Variants in GPR21 observed in about 807,000 individuals in gnomAD.
The protein encoded by GPR21 is G protein-coupled receptor 21, also known as probable G protein-coupled receptor 21.
A neutral mutation model predicts 21.5 loss-of-function variants in GPR21; 9 were observed. The ratio of observed to expected loss-of-function variants is 0.42; its 90% CI spans 0.25 to 0.73. GPR21 has a LOEUF of 0.73. GPR21 is among the 30% of genes least tolerant of loss of function. GPR21 has a pLI of 0.27. For synonymous variants in GPR21, 169 were observed against 159.3 expected, an observed-to-expected ratio of 1.06 and a Z score of -0.46; for missense variants, 416 against 428.9, an observed-to-expected ratio of 0.97 and a Z score of 0.27.
chr9:123,034,727 A>G lies in GPR21; in HGVS notation c.161A>G (p.His54Arg). ...SGNIIVIFVF[H>R]CAPLLNHHTT... The stretch of plus-strand genomic sequence containing the variant: ...AACATCATTGTGATTTTTGTATTTC[A>G]CTGTGCACCTTTGTTGAACCATCAC... The change falls in exon 2 of 2, where the codon CAC (histidine) becomes CGC (arginine). Residue 54 changes from histidine (H) to arginine (R), a missense_variant. Coordinates refer to ENST00000616002, the MANE Select transcript of GPR21 (RefSeq NM_005294.3). 1 of 1,613,684 alleles carries G rather than the reference A, an allele frequency of 6.2e-7. No homozygotes were observed. The highest frequency in any genetic ancestry group is 8.5e-7 in the Non-Finnish European group (1 of 1,179,676).
the GPR21 span, among the ~76,000 whole-genome samples, chr9:123,044,025 C>T: frequency 1.3e-5 from 2 of 151,740 alleles, no homozygotes; most frequent in Admixed American, 6.5e-5. Context: ...CTCAGCCTCC[C>T]GAGTAGCTGG....
At chr9:123,044,023 C>G in the GPR21 span, among the ~76,000 whole-genome samples, 1 of 151,556 alleles carries the variant, frequency 6.6e-6, no homozygotes, top group East Asian at 1.9e-4. Flanking sequence ...GCCTCAGCCT[C>G]CCGAGTAGCT....
chr9:123,048,334 G>A, the GPR21 span, among the ~76,000 whole-genome samples: 1 of 152,112 alleles, frequency 6.6e-6, no homozygotes, highest in Admixed American at 6.5e-5. Context: ...GTAAAACTGA[G>A]TATTTGTTAG....
At chr9:123,049,006 T>A in the GPR21 span, among the ~76,000 whole-genome samples, 4 of 152,192 alleles carry the variant, frequency 2.6e-5, no homozygotes, top group Middle Eastern at 3.2e-3. Context: ...GGGACTTAGA[T>A]TTATTTTTAG....
the GPR21 span, among the ~76,000 whole-genome samples, chr9:123,041,125 ACT>A: frequency 6.6e-6 from 1 of 151,938 alleles, no homozygotes; most frequent in Non-Finnish European, 1.5e-5. Flanking sequence ...GTTAATTGAG[ACT>A]CTTTATGTTT....
At chr9:123,048,672 A>G in the GPR21 span, among the ~76,000 whole-genome samples, 14 of 152,278 alleles carry the variant, frequency 9.2e-5, no homozygotes, top group South Asian at 2.1e-4. Flanking sequence ...GACTTTGCAT[A>G]TAATAATTTT....
In GPR21 at chr9:123,035,036, C is replaced by A; in HGVS notation, c.470C>A (p.Ser157Ter). ...RLCIFLIWLY[S>*]TLVFLPSFFH... Reference sequence around the variant, plus strand: ...TGTATTTTCCTGATTTGGCTATACTCGACCCTGGTCTTCCTGCCTTCCTTT... The same window carrying A: ...TGTATTTTCCTGATTTGGCTATACTAGACCCTGGTCTTCCTGCCTTCCTTT... Residue 157 changes from serine (S) to a stop codon, truncating the protein, a stop_gained, in exon 2 of 2, where the codon TCG (serine) becomes TAG (stop). Coordinates refer to ENST00000616002, the MANE Select transcript of GPR21 (RefSeq NM_005294.3). LOFTEE classifies it high-confidence loss of function. 1 of 1,613,840 alleles carries A rather than the reference C, an allele frequency of 6.2e-7. No individual in the cohort carries two copies. Among genetic ancestry groups the A allele is most frequent in the Non-Finnish European group, 8.5e-7 (1 of 1,179,748 alleles).
intron 1 of GPR21, 61 bp from the exon 2 acceptor site, chr9:123,034,110 G>C (rs116114874): frequency 6.0e-6 from 1 of 167,778 alleles, no homozygotes; most frequent in African/African-American, 2.4e-5. Context: ...GAGCTAGCCA[G>C]GTTCTTTGAT....
Position 123,035,081 on chromosome 9 carries a change from G to A in GPR21, c.515G>A (p.Gly172Glu). 2.5e-6 allele frequency: 4 copies of A among 1,614,080 alleles called. No individual in the cohort carries two copies. The highest frequency in any genetic ancestry group is 3.4e-6 in the Non-Finnish European group (4 of 1,180,008). Residue 172 changes from glycine (G) to glutamate (E), a missense_variant, in exon 2 of 2, where the codon GGA becomes GAA. By Grantham distance (98) the Gly-to-Glu change is moderately conservative. Coordinates refer to ENST00000616002, the MANE Select transcript of GPR21 (RefSeq NM_005294.3). ...LPSFFHWGKP[G>E]YHGDVFQWCA... ...TCCTTTTTCCACTGGGGCAAACCTGGATATCATGGAGATGTGTTTCAGTGG... is the reference window on the plus strand; with the variant it reads ...TCCTTTTTCCACTGGGGCAAACCTGAATATCATGGAGATGTGTTTCAGTGG...
chr9:123,043,777 C>A, the GPR21 span, among the ~76,000 whole-genome samples: 1 of 151,636 alleles, frequency 6.6e-6, no homozygotes, highest in African/African-American at 2.4e-5. Flanking sequence ...TAAAAACAAA[C>A]AGCTTTAAAA....
downstream of GPR21, among the ~76,000 whole-genome samples, chr9:123,038,719 T>G (rs1046173789): frequency 2.6e-5 from 4 of 151,554 alleles, no homozygotes; most frequent in Non-Finnish European, 4.4e-5. Context: ...TCATTTCAGG[T>G]TGAAGAAAAA....
At chr9:123,044,479 C>T in the GPR21 span, among the ~76,000 whole-genome samples, 1 of 152,078 alleles carries the variant, frequency 6.6e-6, no homozygotes, top group African/African-American at 2.4e-5. Flanking sequence ...TTTTTGGTTT[C>T]CAGTCTGCTG....
chr9:123,043,900 C>CTTTTTTTT, the GPR21 span, among the ~76,000 whole-genome samples: 1 of 129,432 alleles, frequency 7.7e-6, no homozygotes, highest in Non-Finnish European at 1.7e-5. Flanking sequence ...GTATTATTTT[C>CTTTTTTTT]TTTTTTTTTT....
Position 123,034,268 on chromosome 9 carries a change from T to C in GPR21, c.-299T>C. ...CCTACCCTCACTTGGCCTGAAGACG[T>C]TCTCCCCAGAGTTTACCTTGCTCCC... On this transcript the variant is annotated 5_prime_UTR_variant, in exon 2 of 2. Transcript: ENST00000616002. 2.4e-6 allele frequency: 1 copy of C among 420,224 alleles called. No individual in the cohort carries two copies. Among genetic ancestry groups the C allele is most frequent in the Non-Finnish European group, 4.2e-6 (1 of 238,808 alleles). The allele number at this position is 420,224 out of a possible 1,614,324, so 26.0% of individuals were successfully genotyped here. A position where few individuals can be genotyped will look rare whatever the true frequency, so the allele number is the denominator to read the frequency against.
At chr9:123,047,876 T>G in the GPR21 span, among the ~76,000 whole-genome samples, 1 of 150,862 alleles carries the variant, frequency 6.6e-6, no homozygotes, top group Non-Finnish European at 1.5e-5. Context: ...TATTTGTTAA[T>G]TGTTATAAGA....
downstream of GPR21, among the ~76,000 whole-genome samples, chr9:123,040,580 G>T: frequency 6.6e-6 from 1 of 152,084 alleles, no homozygotes; most frequent in East Asian, 1.9e-4. Context: ...TTAGTAGTCT[G>T]CAAGCCTGCA....
chr9:123,048,377 A>C, the GPR21 span, among the ~76,000 whole-genome samples: 2 of 152,214 alleles, frequency 1.3e-5, no homozygotes, highest in Non-Finnish European at 2.9e-5. Flanking sequence ...TTTTCTTGGA[A>C]ATAATCCATT....
At chr9:123,049,057 T>C in the GPR21 span, among the ~76,000 whole-genome samples, 1 of 152,224 alleles carries the variant, frequency 6.6e-6, no homozygotes, top group Non-Finnish European at 1.5e-5. Flanking sequence ...AACAATGTGA[T>C]AGCAGTAAAA....
the GPR21 span, among the ~76,000 whole-genome samples, chr9:123,048,282 C>G: frequency 6.6e-6 from 1 of 152,148 alleles, no homozygotes; most frequent in Non-Finnish European, 1.5e-5. Flanking sequence ...ATTTAAATCT[C>G]TGATTTGTGA....
Sources: allele counts gnomAD v4.1 joint callset (sites outside exome capture counted in the v4.1 genomes callset), GRCh38; gene constraint gnomAD v4.1.1; transcripts MANE v1.5; gene names NCBI Gene and HGNC (gene_info 2026-07-23, HGNC 2026-07-21).